ZNF536: variants seen among roughly 807,000 people sequenced by gnomAD.
The protein encoded by ZNF536 is zinc finger protein 536.
A neutral mutation model predicts 84.5 loss-of-function variants in ZNF536; 13 were observed. The observed-to-expected ratio is 0.15, with a 90% CI of 0.10 to 0.24. ZNF536 has a LOEUF of 0.24. Among genes scored for constraint, ZNF536 ranks in the 10% least tolerant of loss-of-function variants. ZNF536 has a pLI of 1.00. For synonymous variants in ZNF536, 811 were observed against 742.5 expected, an observed-to-expected ratio of 1.09 and a Z score of -1.50; for missense variants, 1,536 against 1,747.5, an observed-to-expected ratio of 0.88 and a Z score of 2.16.
intron 1 of ZNF536, among the ~76,000 whole-genome samples, chr19:30,280,308 CCTT>C (rs544228408): frequency 6.2e-4 from 95 of 152,004 alleles, no homozygotes; most frequent in Non-Finnish European, 1.3e-3. Context: ...ATCCTTCTCT[CCTT>C]CTCTCCTCCC....
At chr19:30,528,908 G>A (rs535293972) in intron 2 of ZNF536, among the ~76,000 whole-genome samples, 7 of 150,662 alleles carry the variant, frequency 4.6e-5, no homozygotes, top group East Asian at 2.0e-4. Context: ...TGGGGTCAGC[G>A]GGGAGAATGA....
chr19:30,551,240 G>A (rs1241755543), intron 4 of ZNF536, among the ~76,000 whole-genome samples: 1 of 151,830 alleles, frequency 6.6e-6, no homozygotes, highest in Non-Finnish European at 1.5e-5. Flanking sequence ...ATGTTCATGA[G>A]CTCATTATTA....
intron 3 of ZNF536, among the ~76,000 whole-genome samples, chr19:30,357,219 G>C (rs1475512762): frequency 6.6e-6 from 1 of 152,250 alleles, no homozygotes; most frequent in Non-Finnish European, 1.5e-5. Context: ...CCCCCCTAAG[G>C]AAGGGACGCT....
Position 30,627,959 on chromosome 19 carries a change from T to C in ZNF536, c.169+78445T>C, listed in dbSNP as rs529122046. Among the ~76,000 whole-genome samples the C allele has an allele frequency of 1.5e-3, 234 of 152,262 alleles. 1 individual carries two copies. The highest frequency in any genetic ancestry group is 2.9e-3 in the Non-Finnish European group (195 of 68,020). ...GCCATGACTGCTTCTTCTCTGAGTG[T>C]CCATCACGCCTCAACCCAGAACCCG... On this transcript the variant is annotated intron_variant, in intron 1 of 1. Transcript: ENST00000592773.
intron 1 of ZNF536, among the ~76,000 whole-genome samples, chr19:30,407,046 C>T (rs766633801): frequency 1.3e-5 from 2 of 152,078 alleles, no homozygotes; most frequent in Non-Finnish European, 2.9e-5. Flanking sequence ...TGCTGCCTTT[C>T]TTGTGCCTGT....
At chr19:30,312,259 GAGA>G (rs1443362524) in intron 2 of ZNF536, among the ~76,000 whole-genome samples, 2 of 152,066 alleles carry the variant, frequency 1.3e-5, no homozygotes, top group Non-Finnish European at 2.9e-5. Flanking sequence ...GTGGGGAGAA[GAGA>G]AGGTCTGTGG....
At chr19:30,231,348 G>C (rs2023028302) in intron 1 of ZNF536, among the ~76,000 whole-genome samples, 1 of 152,198 alleles carries the variant, frequency 6.6e-6, no homozygotes. Context: ...CTCTCAGGCT[G>C]TGAAGGCTGG....
At position 30,548,152 on chromosome 19, in the gene ZNF536, C is replaced by T. The variant is rs370323894; in HGVS notation, c.2533C>T (p.Leu845Phe). The T allele has an allele frequency of 6.2e-7, 1 of 1,614,124 alleles. No homozygotes were observed. Among genetic ancestry groups the T allele is most frequent in the Admixed American group, 1.7e-5 (1 of 60,024 alleles). Residue 845 changes from leucine to phenylalanine, a missense_variant, in exon 4 of 5, where the codon CTC becomes TTC. Transcript: ENST00000355537. Reference protein sequence around the residue: ...PDILRGAFKGLPGIDFRGGPA... With the variant: ...PDILRGAFKGFPGIDFRGGPA... ...CATCCTGAGGGGGGCCTTCAAGGGT[C>T]TCCCTGGAATCGACTTCAGAGGAGG...
At chr19:30,431,749 G>A (rs1009528178) in intron 1 of ZNF536, among the ~76,000 whole-genome samples, 12 of 152,180 alleles carry the variant, frequency 7.9e-5, no homozygotes, top group Admixed American at 2.0e-4. Flanking sequence ...CTGCCCCAGG[G>A]AGGGGTCCTG....
chr19:30,322,110 A>G (rs2046877645), intron 2 of ZNF536, among the ~76,000 whole-genome samples: 1 of 152,122 alleles, frequency 6.6e-6, no homozygotes, highest in South Asian at 2.1e-4. Context: ...TTCCATATAT[A>G]TAATCAGAAA....
chr19:30,317,996 A>G (rs1052181511), intron 2 of ZNF536, among the ~76,000 whole-genome samples: 2 of 152,250 alleles, frequency 1.3e-5, no homozygotes, highest in African/African-American at 2.4e-5. Context: ...TGCTTGAGGT[A>G]AGAAATGCCA....
chr19:30,435,910 G>T (rs2051725027), intron 1 of ZNF536, among the ~76,000 whole-genome samples: 1 of 152,172 alleles, frequency 6.6e-6, no homozygotes, highest in Admixed American at 6.5e-5. Context: ...AGTGATGGAA[G>T]CTCTTTGCCT....
chr19:30,546,777 CG>C (rs1205074923), intron 3 of ZNF536, among the ~76,000 whole-genome samples: 2 of 152,144 alleles, frequency 1.3e-5, no homozygotes, highest in African/African-American at 4.8e-5. Flanking sequence ...AATAAGAGAG[CG>C]GGGACTGTCA....
At chr19:30,373,490 GAAC>G (rs936979958) in intron 1 of ZNF536, among the ~76,000 whole-genome samples, 3 of 151,744 alleles carry the variant, frequency 2.0e-5, no homozygotes, top group South Asian at 2.1e-4. Context: ...AAAGAAATAA[GAAC>G]AACAACAACA....
chr19:30,434,783 G>A lies in ZNF536; in HGVS notation c.-2-8778G>A, dbSNP rs548765708. 2.7e-3 allele frequency among the ~76,000 whole-genome samples: 409 copies of A among 152,152 alleles called. 2 individuals are homozygous for A. Among genetic ancestry groups the A allele is most frequent in the Non-Finnish European group, 4.5e-3 (304 of 67,996 alleles). ...TGATAATGATGATGATGGTGGTGGT[G>A]ATGACGACGATGATGATGGTGATGG... is the stretch of plus-strand genomic sequence containing the variant. On this transcript the variant is annotated intron_variant, in intron 1 of 4. Transcript: ENST00000355537.
chr19:30,287,944 T>C (rs1484305704), intron 2 of ZNF536, among the ~76,000 whole-genome samples: 6 of 152,222 alleles, frequency 3.9e-5, no homozygotes, highest in African/African-American at 9.6e-5. Flanking sequence ...ATTCATTCAT[T>C]GGCCTCCCAA....
chr19:30,500,036 C>T (rs2054886625), intron 2 of ZNF536, among the ~76,000 whole-genome samples: 2 of 152,212 alleles, frequency 1.3e-5, no homozygotes, highest in Admixed American at 6.5e-5. Context: ...CCAAGCTCAC[C>T]TTTATGCCAG....
intron 1 of ZNF536, among the ~76,000 whole-genome samples, chr19:30,389,319 C>T (rs956569226): frequency 4.6e-5 from 7 of 152,050 alleles, no homozygotes; most frequent in East Asian, 1.9e-4. Context: ...CCTGGGAGGG[C>T]GAGCACTTGC....
chr19:30,711,328 A>C (rs2052447976), exon 2 of ZNF536: 1 of 152,164 alleles, frequency 6.6e-6, no homozygotes, highest in South Asian at 2.1e-4. Flanking sequence ...GTCTTTGTCC[A>C]AAAATAATGC....
Sources: allele counts gnomAD v4.1 joint callset (sites outside exome capture counted in the v4.1 genomes callset), GRCh38; gene constraint gnomAD v4.1.1; transcripts MANE v1.5; gene names NCBI Gene and HGNC (gene_info 2026-07-23, HGNC 2026-07-21).